The following MBD5 variants were observed in gnomAD, a reference collection of about 807,000 sequenced individuals.
MBD5 encodes the protein methyl-CpG-binding domain protein 5.
In MBD5, 13 loss-of-function variants were observed where a neutral mutation model predicts 117.3. That is an observed-to-expected ratio of 0.11 (90% CI 0.07 to 0.18). The LOEUF (loss-of-function observed/expected upper bound fraction) is 0.18. Ranked by LOEUF, MBD5 falls within the 10% of genes least tolerant of loss-of-function variation. The pLI is 1.00. For synonymous variants in MBD5, 727 were observed against 766.4 expected (o/e 0.95, Z 0.85); for missense variants, 1,879 against 2,093.8 (o/e 0.90, Z 2.00).
intron 1 of MBD5, among the ~76,000 whole-genome samples, chr2:148,115,740 A>G (rs976775424): frequency 6.6e-6 from 1 of 152,040 alleles, no homozygotes; most frequent in African/African-American, 2.4e-5. Context: ...TCAGTCTTCT[A>G]TGGTTTTTTG....
intron 1 of MBD5, among the ~76,000 whole-genome samples, chr2:148,118,553 G>A (rs1696694188): frequency 6.6e-6 from 1 of 151,186 alleles, no homozygotes; most frequent in African/African-American, 2.4e-5. Flanking sequence ...AAGTTGCAGT[G>A]AGCTATGACT....
intron 3 of MBD5, among the ~76,000 whole-genome samples, chr2:148,329,953 A>G (rs1298069649): frequency 1.3e-5 from 2 of 151,602 alleles, no homozygotes; most frequent in African/African-American, 2.4e-5. Context: ...TATATCTATC[A>G]TATCAGTTCA....
intron 4 of MBD5, among the ~76,000 whole-genome samples, chr2:148,404,958 A>G (rs1705032541): frequency 6.6e-6 from 1 of 151,950 alleles, no homozygotes; most frequent in African/African-American, 2.4e-5. Flanking sequence ...TCTTTTCCAT[A>G]CTATTCTTGT....
intron 4 of MBD5, among the ~76,000 whole-genome samples, chr2:148,431,490 G>T (rs1017537868): frequency 7.2e-5 from 11 of 152,042 alleles, no homozygotes; most frequent in Middle Eastern, 3.4e-3. Context: ...TCATCACCCA[G>T]GTAATAAGCA....
At chr2:148,317,101 C>T (rs1327837848) in intron 3 of MBD5, among the ~76,000 whole-genome samples, 2 of 152,178 alleles carry the variant, frequency 1.3e-5, no homozygotes, top group Non-Finnish European at 2.9e-5. Context: ...GTAATCCCAG[C>T]ACTTTGGGAG....
At chr2:148,108,431 T>C (rs1696424534) in intron 1 of MBD5, among the ~76,000 whole-genome samples, 1 of 152,104 alleles carries the variant, frequency 6.6e-6, no homozygotes, top group Non-Finnish European at 1.5e-5. Flanking sequence ...ACTGTTATTA[T>C]GATCAATGTG....
chr2:148,429,779 A>C (rs1470845385), intron 4 of MBD5, among the ~76,000 whole-genome samples: 2 of 152,194 alleles, frequency 1.3e-5, no homozygotes, highest in African/African-American at 4.8e-5. Flanking sequence ...TCTCACTCAT[A>C]AGTGGGAGTT....
chr2:148,038,387 T>C (rs932343219), intron 1 of MBD5, among the ~76,000 whole-genome samples: 1 of 151,896 alleles, frequency 6.6e-6, no homozygotes, highest in Non-Finnish European at 1.5e-5. Context: ...GCAAACTATG[T>C]TGGTACTATG....
At chr2:148,156,138 A>G (rs1233254012) in intron 1 of MBD5, among the ~76,000 whole-genome samples, 1 of 152,254 alleles carries the variant, frequency 6.6e-6, no homozygotes, top group African/African-American at 2.4e-5. Flanking sequence ...TATTTGGTTG[A>G]TTAAATGATT....
At chr2:148,460,799 T>C (rs941183131) in intron 5 of MBD5, among the ~76,000 whole-genome samples, 27 of 152,252 alleles carry the variant, frequency 1.8e-4, no homozygotes, top group Non-Finnish European at 2.4e-4. Flanking sequence ...GGAATTCATG[T>C]CTTCAGGTTT....
At chr2:148,441,658 C>G (rs1329908964) in intron 4 of MBD5, among the ~76,000 whole-genome samples, 1 of 152,096 alleles carries the variant, frequency 6.6e-6, no homozygotes, top group Non-Finnish European at 1.5e-5. Flanking sequence ...ATTTCTAGTT[C>G]TAGATCCCTG....
At chr2:148,271,474 G>T (rs1289822261) in intron 3 of MBD5, among the ~76,000 whole-genome samples, 1 of 152,074 alleles carries the variant, frequency 6.6e-6, no homozygotes, top group African/African-American at 2.4e-5. Flanking sequence ...TGCTCTCCTT[G>T]AGTTTCAAAT....
At chr2:148,126,161 C>T (rs527651003) in intron 1 of MBD5, among the ~76,000 whole-genome samples, 41 of 151,776 alleles carry the variant, frequency 2.7e-4, no homozygotes, top group African/African-American at 8.9e-4. Context: ...TTTGGGAGGC[C>T]GAGGCAGGCG....
intron 4 of MBD5, among the ~76,000 whole-genome samples, chr2:148,444,619 A>G (rs1457114597): frequency 6.6e-6 from 1 of 151,256 alleles, no homozygotes; most frequent in Non-Finnish European, 1.5e-5. Flanking sequence ...TGCAAAGATT[A>G]GGCGAAGTTT....
chr2:148,386,184 G>A (rs1348247579), intron 4 of MBD5, among the ~76,000 whole-genome samples: 1 of 151,870 alleles, frequency 6.6e-6, no homozygotes, highest in Non-Finnish European at 1.5e-5. Flanking sequence ...GTTATAAAAT[G>A]AACAAAAGCT....
chr2:148,270,501 G>C (rs1700959370), intron 3 of MBD5, among the ~76,000 whole-genome samples: 1 of 150,652 alleles, frequency 6.6e-6, no homozygotes, highest in Admixed American at 6.6e-5. Flanking sequence ...CGATTCTCCT[G>C]CCTCAGCCTC....
At chr2:148,327,099 T>A (rs1318657643) in intron 3 of MBD5, among the ~76,000 whole-genome samples, 1 of 152,062 alleles carries the variant, frequency 6.6e-6, no homozygotes, top group African/African-American at 2.4e-5. Context: ...CTTATGAAGC[T>A]TAGTTTGGCT....
At chr2:148,366,061 G>A (rs1000270339) in intron 4 of MBD5, among the ~76,000 whole-genome samples, 11 of 152,032 alleles carry the variant, frequency 7.2e-5, no homozygotes, top group South Asian at 2.1e-4. Flanking sequence ...GATGAATATC[G>A]ATGTAAAAAT....
At chr2:148,168,962 G>C (rs982042401) in intron 1 of MBD5, among the ~76,000 whole-genome samples, 2 of 148,022 alleles carry the variant, frequency 1.4e-5, no homozygotes, top group African/African-American at 4.9e-5. Flanking sequence ...TGTATATATA[G>C]GATATATATA....
Sources: allele counts gnomAD v4.1 joint callset (sites outside exome capture counted in the v4.1 genomes callset), GRCh38; gene constraint gnomAD v4.1.1; transcripts MANE v1.5; gene names NCBI Gene and HGNC (gene_info 2026-07-23, HGNC 2026-07-21).